Variants in DRC8 observed in about 807,000 individuals in gnomAD.
DRC8 encodes dynein regulatory complex subunit 8.
chr1:244,989,860 T>G, the DRC8 span, among the ~76,000 whole-genome samples: 1 of 152,214 alleles, frequency 6.6e-6, no homozygotes, highest in Non-Finnish European at 1.5e-5. Flanking sequence ...TTAACTAAGG[T>G]CAACCAAGAT....
At chr1:245,086,933 T>G in the DRC8 span, 4 of 488,018 alleles carry the variant, frequency 8.2e-6, no homozygotes, top group South Asian at 6.7e-5. Flanking sequence ...TTCAAAAGTT[T>G]TAATCTAAAT....
At chr1:245,050,560 G>A in the DRC8 span, among the ~76,000 whole-genome samples, 4 of 152,234 alleles carry the variant, frequency 2.6e-5, no homozygotes, top group East Asian at 5.8e-4. Flanking sequence ...TGTAAAGTGG[G>A]GACAATAATA....
chr1:245,121,808 C>T, the DRC8 span: 2 of 379,162 alleles, frequency 5.3e-6, no homozygotes, highest in Non-Finnish European at 1.0e-5. Flanking sequence ...CTGAAAATTC[C>T]CTCAGCAGCC....
At chr1:245,019,634 A>C in the DRC8 span, among the ~76,000 whole-genome samples, 12 of 151,746 alleles carry the variant, frequency 7.9e-5, no homozygotes, top group South Asian at 4.2e-4. Context: ...TAGCCTCCCA[A>C]AGTGTTGGTA....
chr1:245,010,422 C>T, the DRC8 span, among the ~76,000 whole-genome samples: 2 of 152,142 alleles, frequency 1.3e-5, no homozygotes, highest in Admixed American at 6.6e-5. Context: ...AAGGAGAAGA[C>T]CACATGATAT....
chr1:245,063,545 T>C, the DRC8 span, among the ~76,000 whole-genome samples: 1 of 152,180 alleles, frequency 6.6e-6, no homozygotes, highest in South Asian at 2.1e-4. Context: ...GAGCAGCCCA[T>C]TGGATGGATG....
the DRC8 span, among the ~76,000 whole-genome samples, chr1:245,108,262 C>T: frequency 6.6e-6 from 1 of 152,158 alleles, no homozygotes; most frequent in Non-Finnish European, 1.5e-5. Flanking sequence ...GTCTCCAGTA[C>T]TTACTGAGAC....
the DRC8 span, among the ~76,000 whole-genome samples, chr1:245,113,103 A>T: frequency 6.6e-6 from 1 of 152,188 alleles, no homozygotes; most frequent in African/African-American, 2.4e-5. Context: ...TATATTTTAA[A>T]AAACAGGATA....
At chr1:245,087,518 T>C in the DRC8 span, 1 of 1,356,494 alleles carries the variant, frequency 7.4e-7, no homozygotes, top group Non-Finnish European at 9.4e-7. Context: ...CGTAACACTT[T>C]AAACCAAATT....
chr1:245,110,465 A>C, the DRC8 span, among the ~76,000 whole-genome samples: 1 of 152,254 alleles, frequency 6.6e-6, no homozygotes, highest in South Asian at 2.1e-4. Flanking sequence ...CCATGCACAC[A>C]AATACTGAAG....
chr1:244,993,709 G>A, the DRC8 span, among the ~76,000 whole-genome samples: 1 of 152,320 alleles, frequency 6.6e-6, no homozygotes, highest in Admixed American at 6.5e-5. Context: ...TGCATCTGGT[G>A]AGGGCCTTCT....
chr1:245,012,839 T>C, the DRC8 span, among the ~76,000 whole-genome samples: 1 of 152,210 alleles, frequency 6.6e-6, no homozygotes, highest in Non-Finnish European at 1.5e-5. Flanking sequence ...TGTATATGGA[T>C]TTCTGTATTT....
chr1:244,984,587 C>T, the DRC8 span, among the ~76,000 whole-genome samples: 5 of 152,106 alleles, frequency 3.3e-5, no homozygotes, highest in Non-Finnish European at 7.4e-5. Flanking sequence ...GTAATCCCAG[C>T]ACTTTGGGAA....
At chr1:245,074,936 TACAAAC>T in the DRC8 span, among the ~76,000 whole-genome samples, 1 of 151,540 alleles carries the variant, frequency 6.6e-6, no homozygotes, top group Admixed American at 6.6e-5. Context: ...TATTTTTTAC[TACAAAC>T]AGTTTTTAAA....
chr1:245,122,174 A>T, the DRC8 span: 1 of 233,288 alleles, frequency 4.3e-6, no homozygotes, highest in South Asian at 5.2e-5. Flanking sequence ...AAGTTCTGGG[A>T]TTACAGGCAT....
chr1:245,026,435 G>A, the DRC8 span, among the ~76,000 whole-genome samples: 44 of 152,224 alleles, frequency 2.9e-4, 1 homozygote, highest in Middle Eastern at 3.4e-3. Flanking sequence ...ATAACATTTC[G>A]CAATTCATGT....
chr1:245,109,338 C>T, the DRC8 span, among the ~76,000 whole-genome samples: 1 of 152,154 alleles, frequency 6.6e-6, no homozygotes, highest in Admixed American at 6.5e-5. Context: ...GAGAGGGGCA[C>T]AGATGGAAGG....
the DRC8 span, among the ~76,000 whole-genome samples, chr1:245,069,735 T>A: frequency 6.6e-6 from 1 of 152,162 alleles, no homozygotes; most frequent in Non-Finnish European, 1.5e-5. Context: ...ACTGCTGTAC[T>A]GTACACTTAA....
the DRC8 span, chr1:245,121,900 T>TTTATC: frequency 2.4e-6 from 1 of 419,856 alleles, no homozygotes; most frequent in East Asian, 7.4e-5. Flanking sequence ...TTTTTCTTAT[T>TTTATC]TTATTTTATT....
Sources: allele counts gnomAD v4.1 joint callset (sites outside exome capture counted in the v4.1 genomes callset), GRCh38; gene constraint gnomAD v4.1.1; transcripts MANE v1.5; gene names NCBI Gene and HGNC (gene_info 2026-07-23, HGNC 2026-07-21).